NRP2: variants seen among roughly 807,000 people sequenced by gnomAD.
NRP2 encodes neuropilin-2.
A neutral mutation model predicts 110.4 loss-of-function variants in NRP2; 52 were observed. The observed-to-expected ratio is 0.47, with a 90% CI of 0.38 to 0.59. The LOEUF is 0.59. NRP2 is among the 20% of genes least tolerant of loss of function. NRP2 has a pLI of 0.00. For missense variants in NRP2, 1,049 were observed against 1,203.0 expected (o/e 0.87, Z 1.89); for synonymous variants, 508 against 468.9 (o/e 1.08, Z -1.08).
rs115598009 is a variant in NRP2, at chr2:205,773,438, G to T, written c.2425+6635G>T. On this transcript the variant is annotated intron_variant, in intron 15 of 16. Coordinates refer to ENST00000357785, the MANE Select transcript of NRP2 (RefSeq NM_003872.3). ...CCCAAAGAAAATGTTTAAGGAGCCA[G>T]TATAATGTCCCCCAAGTAGCTTTTG... Among the ~76,000 whole-genome samples the T allele has an allele frequency of 1.8e-3, 270 of 152,316 alleles. 1 individual carries two copies. The highest frequency in any genetic ancestry group is 6.3e-3 in the African/African-American group (260 of 41,576).
Position 205,763,162 on chromosome 2 carries a change from T to C in NRP2, c.2045-512T>C, listed in dbSNP as rs1230774789. Reference sequence around the variant, plus strand: ...ACAGAAGGTTTTAAATGTCAGCCATTTGGACAGTGCCCAGCCAAGATGGCC... The same window carrying C: ...ACAGAAGGTTTTAAATGTCAGCCATCTGGACAGTGCCCAGCCAAGATGGCC... On this transcript the variant is annotated intron_variant, in intron 12 of 16. Coordinates refer to ENST00000357785, the MANE Select transcript of NRP2 (RefSeq NM_003872.3). The surrounding 1 kb of genome is among the most constrained non-coding windows in gnomAD (Gnocchi z 4.0). Among the ~76,000 whole-genome samples, 1 of 152,046 alleles carries C rather than the reference T, an allele frequency of 6.6e-6. No homozygotes were observed. The highest frequency in any genetic ancestry group is 2.4e-5 in the African/African-American group (1 of 41,384).
At chr2:205,792,365 G>A (rs936584774) in intron 16 of NRP2, 80 bp downstream of exon 16, 9 of 990,936 alleles carry the variant, frequency 9.1e-6, no homozygotes, top group Admixed American at 1.7e-5. Context: ...AATGCTCTGG[G>A]TATCGGAGGG....
intron 15 of NRP2, 26 bp downstream of exon 15, chr2:205,766,829 A>AT (rs762146818): frequency 1.0e-3 from 1,570 of 1,529,358 alleles, no homozygotes; most frequent in Non-Finnish European, 1.2e-3. Flanking sequence ...GTAAAAAAAA[A>AT]TTTTTTTTTT....
At chr2:205,694,976 C>T (rs983420797) in intron 1 of NRP2, among the ~76,000 whole-genome samples, 8 of 152,168 alleles carry the variant, frequency 5.3e-5, no homozygotes, top group East Asian at 1.9e-4. Context: ...AAGGTGTGAA[C>T]GTATGTATAG....
At chr2:205,732,653 G>A (rs546263441) in intron 7 of NRP2, among the ~76,000 whole-genome samples, 4 of 152,308 alleles carry the variant, frequency 2.6e-5, no homozygotes, top group African/African-American at 9.6e-5. Context: ...GCAGAAGCAA[G>A]TTATCAATTT....
rs370338287 is a variant in NRP2, at chr2:205,697,731, G to A, written c.251+10G>A. The A allele has an allele frequency of 2.5e-5, 40 of 1,613,434 alleles. No homozygotes were observed. The African/African-American group carries it at 2.5e-4, about 10-fold the overall frequency. On this transcript the variant is annotated intron_variant, in intron 2 of 16. Coordinates refer to ENST00000357785, the MANE Select transcript of NRP2 (RefSeq NM_003872.3). Reference sequence around the variant, plus strand: ...AGAAGCACGACTGCAAGTAAGCACCGTCCTGTCCCACTGTGTATCCCATCC... The same window carrying A: ...AGAAGCACGACTGCAAGTAAGCACCATCCTGTCCCACTGTGTATCCCATCC...
intron 2 of NRP2, 40 bp downstream of exon 2, chr2:205,697,761 G>T (rs2056465627): frequency 6.3e-7 from 1 of 1,589,104 alleles, no homozygotes; most frequent in Admixed American, 1.7e-5. Flanking sequence ...CCATCCATGA[G>T]ATGCACACGC....
intron 12 of NRP2, among the ~76,000 whole-genome samples, chr2:205,758,364 A>G (rs2057766998): frequency 6.6e-6 from 1 of 152,222 alleles, no homozygotes; most frequent in African/African-American, 2.4e-5. Flanking sequence ...CAGGAGGATC[A>G]AGCTGGTGAT....
intron 2 of NRP2, among the ~76,000 whole-genome samples, chr2:205,710,321 AG>A (rs1472411260): frequency 6.6e-6 from 1 of 152,244 alleles, no homozygotes; most frequent in Non-Finnish European, 1.5e-5. Context: ...AACCTTGGGC[AG>A]GTCACTTAAC....
intron 3 of NRP2, 106 bp downstream of exon 3, chr2:205,716,480 G>T: frequency 8.6e-7 from 1 of 1,157,678 alleles, no homozygotes; most frequent in Admixed American, 1.8e-5. Flanking sequence ...GTGTCATCCA[G>T]CTTGAGCATG....
Position 205,776,346 on chromosome 2 carries a change from G to A in NRP2, c.2425+9543G>A, listed in dbSNP as rs1432338042. Reference sequence around the variant, plus strand: ...ACGTAATGGCCGCCGGGGGCGCCGTGCTGGTGCTGGTCTCCGTCGCGCTGG... The same window carrying A: ...ACGTAATGGCCGCCGGGGGCGCCGTACTGGTGCTGGTCTCCGTCGCGCTGG... On this transcript the variant is annotated intron_variant, in intron 15 of 16. Coordinates refer to ENST00000357785, the MANE Select transcript of NRP2 (RefSeq NM_003872.3). The A allele has an allele frequency of 3.7e-6, 6 of 1,612,890 alleles. No individual in the cohort carries two copies. In the Admixed American group the frequency reaches 8.3e-5, roughly 22 times the overall value.
chr2:205,743,799 A>T lies in NRP2; in HGVS notation c.1641+247A>T. The stretch of plus-strand genomic sequence containing the variant: ...GTCTCTGTCACCCAGGCTGGAGTGC[A>T]GTGGCCTGTTCTCGGCTCACTGCAA... On this transcript the variant is annotated intron_variant, in intron 9 of 16. Coordinates refer to ENST00000357785, the MANE Select transcript of NRP2 (RefSeq NM_003872.3). 1.1e-5 allele frequency: 8 copies of T among 716,512 alleles called. No individual in the cohort carries two copies. The South Asian group carries it at 1.6e-4, about 15-fold the overall frequency. The allele number at this position is 716,512 out of a possible 1,614,324, so 44.4% of individuals were successfully genotyped here.
intron 1 of NRP2, among the ~76,000 whole-genome samples, chr2:205,683,609 G>A (rs1247533162): frequency 6.6e-6 from 1 of 151,956 alleles, no homozygotes; most frequent in Non-Finnish European, 1.5e-5. Flanking sequence ...AACAGAATTT[G>A]GCGGTGTTCA....
At chr2:205,717,312 C>T (rs778786997) in intron 3 of NRP2, among the ~76,000 whole-genome samples, 3 of 152,100 alleles carry the variant, frequency 2.0e-5, no homozygotes, top group African/African-American at 7.2e-5. Context: ...TTTTACAACT[C>T]GTGGATGGAG....
At chr2:205,706,280 G>T (rs950138891) in intron 2 of NRP2, among the ~76,000 whole-genome samples, 18 of 152,054 alleles carry the variant, frequency 1.2e-4, no homozygotes, top group African/African-American at 4.3e-4. Context: ...AACAGTCCGT[G>T]GCCGAGCTGT....
intron 2 of NRP2, among the ~76,000 whole-genome samples, chr2:205,706,178 G>A (rs1025765206): frequency 1.3e-5 from 2 of 151,890 alleles, no homozygotes; most frequent in Non-Finnish European, 2.9e-5. Context: ...GAGTGTCAGC[G>A]GAAGTAATTG....
chr2:205,789,087 A>C, intron 15 of NRP2, among the ~76,000 whole-genome samples: 1 of 152,226 alleles, frequency 6.6e-6, no homozygotes, highest in African/African-American at 2.4e-5. Context: ...TGAAACAGGC[A>C]ACCAAAGTGT....
intron 15 of NRP2, chr2:205,779,353 A>C (rs2058147131): frequency 6.6e-6 from 1 of 152,214 alleles, no homozygotes; most frequent in Non-Finnish European, 1.5e-5. Flanking sequence ...GTCATTGACA[A>C]AACTGGATGC....
chr2:205,685,493 T>C (rs2105854855), intron 1 of NRP2, among the ~76,000 whole-genome samples: 1 of 152,258 alleles, frequency 6.6e-6, no homozygotes, highest in East Asian at 1.9e-4. Flanking sequence ...CGAGAACCAA[T>C]TCTGGGAAGG....
Sources: gnomAD v4.1 joint callset for allele counts (sites outside exome capture counted in the v4.1 genomes callset) on GRCh38, gnomAD v4.1.1 for gene constraint, Gnocchi (gnomAD v3.1) non-coding constraint, MANE v1.5 for transcripts, NCBI Gene and HGNC (gene_info 2026-07-23, HGNC 2026-07-21) for gene names.